Variants in ALCAM observed in about 807,000 individuals in gnomAD.
ALCAM encodes the protein activated leukocyte cell adhesion molecule, also known as CD166 antigen.
In ALCAM, 30 loss-of-function variants were observed where a neutral mutation model predicts 70.9. The observed-to-expected ratio is 0.42, with a 90% CI of 0.32 to 0.57. The LOEUF (loss-of-function observed/expected upper bound fraction) is 0.57. Among genes scored for constraint, ALCAM ranks in the 20% least tolerant of loss-of-function variants. The pLI is 0.11. For missense variants in ALCAM, 591 were observed against 695.1 expected (o/e 0.85, Z 1.68); for synonymous variants, 249 against 242.5 (o/e 1.03, Z -0.25).
chr3:105,378,456 G>A (rs1356940237), intron 1 of ALCAM, among the ~76,000 whole-genome samples: 1 of 151,796 alleles, frequency 6.6e-6, no homozygotes. Context: ...AATGTTTATG[G>A]TGATTTTAAG....
chr3:105,511,322 A>T (rs1396164159), intron 1 of ALCAM, among the ~76,000 whole-genome samples: 2 of 152,068 alleles, frequency 1.3e-5, no homozygotes, highest in Admixed American at 6.6e-5. Flanking sequence ...ATAGCAGATT[A>T]TACTGATTTC....
chr3:105,430,077 A>ATTTTCATGTG (rs1936890086), intron 1 of ALCAM, among the ~76,000 whole-genome samples: 1 of 151,920 alleles, frequency 6.6e-6, no homozygotes, highest in African/African-American at 2.4e-5. Flanking sequence ...ATATCAACAC[A>ATTTTCATGTG]TTTTCATGGA....
intron 1 of ALCAM, among the ~76,000 whole-genome samples, chr3:105,458,494 A>G (rs1335859881): frequency 6.6e-6 from 1 of 152,136 alleles, no homozygotes; most frequent in African/African-American, 2.4e-5. Flanking sequence ...TTTGTCTTTG[A>G]TATTGTCTCT....
At chr3:105,546,991 A>T (rs1559829695) in intron 9 of ALCAM, among the ~76,000 whole-genome samples, 158 bp from the exon 10 acceptor site, 1 of 151,500 alleles carries the variant, frequency 6.6e-6, no homozygotes, top group African/African-American at 2.4e-5. Context: ...ACAACAAAAG[A>T]AAAAGGAAAT....
intron 1 of ALCAM, among the ~76,000 whole-genome samples, chr3:105,514,206 C>T (rs1382783468): frequency 2.0e-5 from 3 of 151,914 alleles, no homozygotes; most frequent in African/African-American, 7.2e-5. Flanking sequence ...TATACATTTT[C>T]TTCACAAAGC....
chr3:105,519,613 T>A (rs1251484753), intron 1 of ALCAM, among the ~76,000 whole-genome samples: 1 of 152,096 alleles, frequency 6.6e-6, no homozygotes, highest in Non-Finnish European at 1.5e-5. Context: ...GAAGAAAAAT[T>A]TGATAATATT....
intron 1 of ALCAM, among the ~76,000 whole-genome samples, chr3:105,512,605 A>G (rs1939268025): frequency 6.6e-6 from 1 of 151,936 alleles, no homozygotes; most frequent in Admixed American, 6.6e-5. Flanking sequence ...TAATATTTCA[A>G]ATATAAGTTT....
chr3:105,413,390 T>G lies in ALCAM; in HGVS notation c.73+45909T>G, dbSNP rs560575132. The stretch of plus-strand genomic sequence containing the variant: ...CTGATGTTAAATTTCTGTATACATT[T>G]TCTTGTAAATAAGAATAGAAAATAG... On this transcript the variant is annotated intron_variant, in intron 1 of 15. Coordinates refer to ENST00000306107, the MANE Select transcript of ALCAM (RefSeq NM_001627.4). Among the ~76,000 whole-genome samples the G allele has an allele frequency of 2.3e-4, 35 of 152,292 alleles. No homozygotes were observed. In the South Asian group the frequency reaches 3.7e-3, roughly 16 times the overall value.
intron 1 of ALCAM, among the ~76,000 whole-genome samples, chr3:105,422,540 G>C (rs1396128653): frequency 6.6e-6 from 1 of 151,310 alleles, no homozygotes; most frequent in African/African-American, 2.4e-5. Context: ...TACTCTTCCA[G>C]ACCACAAAGA....
intron 14 of ALCAM, 82 bp from the exon 15 acceptor site, chr3:105,571,770 C>A: frequency 9.3e-7 from 1 of 1,077,086 alleles, no homozygotes; most frequent in Non-Finnish European, 1.3e-6. Context: ...TTCAAAGACA[C>A]ATTAATTCAA....
intron 14 of ALCAM, among the ~76,000 whole-genome samples, chr3:105,565,936 C>T (rs1318108840): frequency 6.6e-6 from 1 of 152,168 alleles, no homozygotes; most frequent in Non-Finnish European, 1.5e-5. Flanking sequence ...TCAGTGAAAA[C>T]TCTTTTCTGC....
intron 1 of ALCAM, among the ~76,000 whole-genome samples, chr3:105,455,822 C>A (rs1384615570): frequency 6.6e-6 from 1 of 152,152 alleles, no homozygotes. Flanking sequence ...GTAGGCCAGG[C>A]TTCACACCTG....
intron 1 of ALCAM, among the ~76,000 whole-genome samples, chr3:105,408,971 G>A (rs986355992): frequency 2.6e-5 from 4 of 151,950 alleles, no homozygotes; most frequent in African/African-American, 4.8e-5. Context: ...TAATTATCAG[G>A]GAAATGCAAA....
chr3:105,368,976 G>A (rs1172678167), intron 1 of ALCAM, among the ~76,000 whole-genome samples: 2 of 152,122 alleles, frequency 1.3e-5, no homozygotes, highest in Non-Finnish European at 2.9e-5. Flanking sequence ...GGAGGTAGGT[G>A]GAAAGGCGAG....
chr3:105,377,154 T>C (rs1935398401), intron 1 of ALCAM, among the ~76,000 whole-genome samples: 2 of 152,168 alleles, frequency 1.3e-5, no homozygotes. Context: ...AAAAATTGTC[T>C]CATAGCAGCA....
At chr3:105,523,658 TG>T (rs1337778581) in intron 2 of ALCAM, among the ~76,000 whole-genome samples, 1 of 152,212 alleles carries the variant, frequency 6.6e-6, no homozygotes, top group African/African-American at 2.4e-5. Flanking sequence ...GTGATGTTTT[TG>T]TATGAAAGAC....
At chr3:105,476,427 G>A (rs947020572) in intron 1 of ALCAM, among the ~76,000 whole-genome samples, 2 of 151,992 alleles carry the variant, frequency 1.3e-5, no homozygotes, top group African/African-American at 2.4e-5. Flanking sequence ...TCCTCAGAAT[G>A]TCTCATAGTT....
At chr3:105,368,310 T>G (rs974956260) in intron 1 of ALCAM, among the ~76,000 whole-genome samples, 3 of 134,054 alleles carry the variant, frequency 2.2e-5, no homozygotes, top group African/African-American at 8.3e-5. Flanking sequence ...GGAAATCCCT[T>G]TCCACACCCT....
intron 1 of ALCAM, among the ~76,000 whole-genome samples, chr3:105,410,645 C>T (rs1212755231): frequency 6.6e-6 from 1 of 151,996 alleles, no homozygotes; most frequent in Non-Finnish European, 1.5e-5. Context: ...CTCATTTATT[C>T]TGTTTACCTT....
Sources: allele counts gnomAD v4.1 joint callset (sites outside exome capture counted in the v4.1 genomes callset), GRCh38; gene constraint gnomAD v4.1.1; transcripts MANE v1.5; gene names NCBI Gene and HGNC (gene_info 2026-07-23, HGNC 2026-07-21).